Variants in PPFIA1 observed in about 807,000 individuals in gnomAD.
PPFIA1 encodes PPFI scaffold protein A1, also known as liprin-alpha-1.
Under a neutral mutation model 149.9 loss-of-function variants are expected in PPFIA1, and 25 were observed. That is an observed-to-expected ratio of 0.17 (90% CI 0.12 to 0.23). The LOEUF (loss-of-function observed/expected upper bound fraction) is 0.23, where lower values mean the gene tolerates loss of function less well. PPFIA1 is among the 10% of genes least tolerant of loss of function. The pLI, the probability that PPFIA1 is intolerant of heterozygous loss-of-function variation, is 1.00. For synonymous variants in PPFIA1, 549 were observed against 552.8 expected (o/e 0.99, Z 0.10); for missense variants, 1,362 against 1,506.5 (o/e 0.90, Z 1.59).
At chr11:70,273,357 A>G (rs778855679) in intron 2 of PPFIA1, among the ~76,000 whole-genome samples, 14 of 152,204 alleles carry the variant, frequency 9.2e-5, no homozygotes, top group Non-Finnish European at 1.3e-4. Context: ...ATGGAGTTGA[A>G]TGAGGATTTA....
intron 2 of PPFIA1, among the ~76,000 whole-genome samples, chr11:70,288,147 C>T (rs1490405644): frequency 2.7e-5 from 4 of 150,866 alleles, no homozygotes; most frequent in Admixed American, 1.3e-4. Flanking sequence ...CAATCTGGCT[C>T]ACTGCAACCT....
intron 19 of PPFIA1, 53 bp from the exon 20 acceptor site, chr11:70,362,042 T>G: frequency 1.2e-4 from 182 of 1,545,944 alleles, no homozygotes; most frequent in Non-Finnish European, 1.4e-4. Flanking sequence ...ATTACAGGTG[T>G]GAGCTACCAT....
At position 70,326,616 on chromosome 11, in the gene PPFIA1, T is replaced by C. The variant is rs757492175; in HGVS notation, c.728T>C (p.Leu243Ser). ...TATCAGAGATCTTCTGATGGTTCTT[T>C]AAGCCACGAGGAAGACCTTGCTAAA... ...TSGKRSSDGS[L>S]SHEEDLAKVI... is the part of the protein sequence containing the mutation. The change falls in exon 7 of 28, where the codon TTA becomes TCA. Residue 243 changes from leucine (L) to serine (S), a missense_variant. Coordinates refer to ENST00000253925, the MANE Select transcript of PPFIA1 (RefSeq NM_003626.5). The C allele has an allele frequency of 6.2e-7, 1 of 1,614,036 alleles. No individual in the cohort carries two copies. The highest frequency in any genetic ancestry group is 1.1e-5 in the South Asian group (1 of 91,052).
intron 2 of PPFIA1, among the ~76,000 whole-genome samples, chr11:70,303,014 C>T (rs2052590191): frequency 6.6e-6 from 1 of 152,184 alleles, no homozygotes; most frequent in African/African-American, 2.4e-5. Flanking sequence ...TTTGACCTGA[C>T]ATCTCTAAGA....
intron 13 of PPFIA1, 113 bp downstream of exon 13, chr11:70,338,566 T>C: frequency 2.6e-6 from 2 of 771,764 alleles, no homozygotes; most frequent in Non-Finnish European, 4.3e-6. Flanking sequence ...AAGGAGCCTG[T>C]AGCTTAGTAG....
At chr11:70,331,819 A>G (rs1336073187) in intron 8 of PPFIA1, 141 bp from the exon 9 acceptor site, 4 of 922,368 alleles carry the variant, frequency 4.3e-6, no homozygotes, top group Non-Finnish European at 6.1e-6. Flanking sequence ...CAAAAACCTG[A>G]CCCAGAAGCA....
Position 70,372,251 on chromosome 11 carries a change from G to A in PPFIA1, c.2902G>A (p.Gly968Ser), listed in dbSNP as rs765449768. 7 of 1,614,158 alleles carry A rather than the reference G, an allele frequency of 4.3e-6. No individual in the cohort carries two copies. The highest frequency in any genetic ancestry group is 5.9e-6 in the Non-Finnish European group (7 of 1,180,034). ...TGGGGACATGAACCACGAGTGGATCGGCAACGAGTGGCTCCCCAGCCTGGG... is the reference window on the plus strand; with the variant it reads ...TGGGGACATGAACCACGAGTGGATCAGCAACGAGTGGCTCCCCAGCCTGGG... ...AYGDMNHEWIGNEWLPSLGLP... is the reference protein window; with the variant it reads ...AYGDMNHEWISNEWLPSLGLP... Residue 968 changes from glycine to serine, a missense_variant, in exon 22 of 28, where the codon GGC becomes AGC. This residue lies in a region of PPFIA1 where 349 missense variants were observed against 373.3 expected (regional missense o/e 0.93). Transcript: ENST00000253925.
chr11:70,292,655 G>A (rs929920747), intron 2 of PPFIA1, among the ~76,000 whole-genome samples: 1 of 152,166 alleles, frequency 6.6e-6, no homozygotes, highest in Non-Finnish European at 1.5e-5. Context: ...TTGCCTCTAA[G>A]CCTCTTTATA....
At chr11:70,360,934 T>G (rs1298575358) in intron 19 of PPFIA1, among the ~76,000 whole-genome samples, 2 of 152,170 alleles carry the variant, frequency 1.3e-5, no homozygotes, top group Admixed American at 6.5e-5. Flanking sequence ...CTCTGAGACT[T>G]TTTATTTTTT....
chr11:70,310,147 A>G (rs190481350), intron 2 of PPFIA1, among the ~76,000 whole-genome samples: 75 of 152,346 alleles, frequency 4.9e-4, no homozygotes, highest in Middle Eastern at 3.4e-3. Flanking sequence ...AAGTTAAATC[A>G]TTAAGGATAA....
chr11:70,331,551 G>A (rs2054660509), intron 8 of PPFIA1, among the ~76,000 whole-genome samples: 1 of 152,108 alleles, frequency 6.6e-6, no homozygotes, highest in Non-Finnish European at 1.5e-5. Flanking sequence ...AGGCTGAGGC[G>A]GGTGGATCAC....
At chr11:70,333,015 T>C (rs1396236499) in intron 9 of PPFIA1, 7 of 456,754 alleles carry the variant, frequency 1.5e-5, no homozygotes, top group Non-Finnish European at 4.4e-6. Context: ...CCTTGTCGGC[T>C]TTGTAGTCTG....
At chr11:70,275,791 A>G (rs2050347807) in intron 2 of PPFIA1, among the ~76,000 whole-genome samples, 1 of 152,124 alleles carries the variant, frequency 6.6e-6, no homozygotes, top group South Asian at 2.1e-4. Context: ...CACAATGTCT[A>G]AATTCCCATA....
chr11:70,287,991 C>CTT (rs1022458232), intron 2 of PPFIA1, among the ~76,000 whole-genome samples: 1 of 151,570 alleles, frequency 6.6e-6, no homozygotes. Context: ...GAGTTAAAGT[C>CTT]TAAGTGTGTA....
In PPFIA1 at chr11:70,326,835, AC is replaced by A. The variant is rs2054322453; in HGVS notation, c.930+18del. On this transcript the variant is annotated intron_variant, in intron 7 of 27. Transcript: ENST00000253925. ...GTCCGTGAAGTGAGCAATAACAAAA[AC>A]TACAGTCTTGTCATGAAGTTGTATG... 1 of 1,594,452 alleles carries A rather than the reference AC, an allele frequency of 6.3e-7. No individual in the cohort carries two copies. Among genetic ancestry groups the A allele is most frequent in the African/African-American group, 1.3e-5 (1 of 74,338 alleles).
intron 7 of PPFIA1, among the ~76,000 whole-genome samples, chr11:70,328,735 C>G (rs1192421803): frequency 6.6e-6 from 1 of 152,050 alleles, no homozygotes; most frequent in Non-Finnish European, 1.5e-5. Flanking sequence ...TCACCAGCAT[C>G]TGTTACTGAT....
rs185951359 is a variant in PPFIA1 at position 70,274,251 on chromosome 11, A to C, written c.264+1815A>C. ...CATTTGTGCTCCTGGCACATTGTGG[A>C]GGCAAGTTAGAGTGTACTTAAAAAT... On this transcript the variant is annotated intron_variant, in intron 2 of 27. Transcript: ENST00000253925. Among the ~76,000 whole-genome samples the C allele has an allele frequency of 1.2e-4, 19 of 152,324 alleles. 1 individual carries two copies. The highest frequency in any genetic ancestry group is 1.2e-3 in the Admixed American group (19 of 15,298).
intron 2 of PPFIA1, among the ~76,000 whole-genome samples, chr11:70,298,867 A>G (rs2052276522): frequency 6.6e-6 from 1 of 152,324 alleles, no homozygotes; most frequent in South Asian, 2.1e-4. Flanking sequence ...TTAAACTGTC[A>G]GTAATTTAGA....
chr11:70,342,823 A>G (rs996663148), intron 14 of PPFIA1, among the ~76,000 whole-genome samples: 5 of 151,546 alleles, frequency 3.3e-5, no homozygotes, highest in African/African-American at 1.2e-4. Flanking sequence ...AATTTGATAC[A>G]TTCGTATAAT....
Sources: gnomAD v4.1 joint callset for allele counts (sites outside exome capture counted in the v4.1 genomes callset) on GRCh38, gnomAD v4.1.1 for gene constraint, gnomAD v4.1.1 regional missense constraint, MANE v1.5 for transcripts, NCBI Gene and HGNC (gene_info 2026-07-23, HGNC 2026-07-21) for gene names.